MRAP2: variants seen among roughly 807,000 people sequenced by gnomAD.
MRAP2 encodes the protein melanocortin-2 receptor accessory protein 2.
Under a neutral mutation model 17.4 loss-of-function variants are expected in MRAP2, and 20 were observed. The observed-to-expected ratio is 1.15, with a 90% CI of 0.81 to 1.67. The LOEUF (loss-of-function observed/expected upper bound fraction) is 1.67. MRAP2 is among the 40% of genes most tolerant of loss of function. The pLI is 0.00. For synonymous variants in MRAP2, 96 were observed against 88.4 expected (o/e 1.09, Z -0.48); for missense variants, 238 against 240.0 (o/e 0.99, Z 0.05).
At chr6:84,097,333 C>T in the MRAP2 span, among the ~76,000 whole-genome samples, 1 of 152,200 alleles carries the variant, frequency 6.6e-6, no homozygotes, top group African/African-American at 2.4e-5. Flanking sequence ...TGTCAGCTCA[C>T]AAGCTTACGA....
chr6:84,133,670 C>T, the MRAP2 span, among the ~76,000 whole-genome samples: 370 of 152,318 alleles, frequency 2.4e-3, 3 homozygotes, highest in African/African-American at 8.3e-3. Flanking sequence ...GAGCCATGCG[C>T]GGGATATAAT....
At position 84,084,932 on chromosome 6, in the gene MRAP2, C is replaced by CTTTATTTTAT. The variant is rs757644105; in HGVS notation, c.228-4137_228-4128dup. Among the ~76,000 whole-genome samples the CTTTATTTTAT allele has an allele frequency of 1.0e-3, 99 of 99,432 alleles. 1 individual carries two copies. The highest frequency in any genetic ancestry group is 6.5e-3 in the Middle Eastern group (1 of 154). The allele number at this position is 99,432 out of a possible 152,430, so 65.2% of individuals were successfully genotyped here. A position where few individuals can be genotyped will look rare whatever the true frequency, so the allele number is the denominator to read the frequency against. The stretch of plus-strand genomic sequence containing the variant: ...TATTTTATTTATTTATTTTATTTTA[C>CTTTATTTTAT]TTTATTTTATTTTATTTTATTTTAT... On this transcript the variant is annotated intron_variant, in intron 3 of 3. Coordinates refer to ENST00000257776, the MANE Select transcript of MRAP2 (RefSeq NM_138409.4).
the MRAP2 span, among the ~76,000 whole-genome samples, chr6:84,098,109 C>T: frequency 1.3e-5 from 2 of 151,976 alleles, no homozygotes; most frequent in Non-Finnish European, 2.9e-5. Context: ...TTTTATAATC[C>T]CTCCCTCCCA....
chr6:84,080,749 A>G (rs1056195302), intron 3 of MRAP2, among the ~76,000 whole-genome samples: 5 of 152,238 alleles, frequency 3.3e-5, no homozygotes, highest in African/African-American at 9.6e-5. Context: ...CAAAGTTTAC[A>G]AACAAAAGTA....
intron 1 of MRAP2, among the ~76,000 whole-genome samples, chr6:84,054,489 T>C (rs2099491216): frequency 1.3e-5 from 2 of 152,230 alleles, no homozygotes; most frequent in Non-Finnish European, 2.9e-5. Context: ...GGACTTCTGT[T>C]GAGTATCTTC....
the MRAP2 span, among the ~76,000 whole-genome samples, chr6:84,120,587 C>A: frequency 1.3e-5 from 2 of 152,090 alleles, no homozygotes; most frequent in Non-Finnish European, 2.9e-5. Context: ...GAACTGAAGA[C>A]CTGCCATGTA....
the MRAP2 span, among the ~76,000 whole-genome samples, chr6:84,135,045 A>G: frequency 2.0e-5 from 3 of 152,126 alleles, no homozygotes; most frequent in South Asian, 4.1e-4. Context: ...ATGTACACAC[A>G]TGAGAACCAT....
At chr6:84,084,909 TTTTA>T (rs778273352) in intron 3 of MRAP2, among the ~76,000 whole-genome samples, 4,159 of 108,450 alleles carry the variant, frequency 0.038, 128 homozygotes, top group African/African-American at 0.12. Context: ...TTTTATTTTA[TTTTA>T]TTTATTTATT....
intron 3 of MRAP2, among the ~76,000 whole-genome samples, chr6:84,074,332 T>A (rs1294126930): frequency 1.3e-5 from 2 of 152,200 alleles, no homozygotes; most frequent in East Asian, 1.9e-4. Context: ...TTTACATATC[T>A]GGCTCTCTGG....
chr6:84,116,148 A>C, the MRAP2 span, among the ~76,000 whole-genome samples: 1 of 152,156 alleles, frequency 6.6e-6, no homozygotes, highest in East Asian at 1.9e-4. Flanking sequence ...CCTGGCCAGA[A>C]CTTCCAGTAC....
At chr6:84,063,172 T>A (rs1017170353) in intron 3 of MRAP2, 180 bp downstream of exon 3, 3 of 985,336 alleles carry the variant, frequency 3.0e-6, no homozygotes, top group Non-Finnish European at 2.4e-6. Context: ...TTTTTGTTTC[T>A]TGCGTCTTGG....
chr6:84,117,458 T>C, the MRAP2 span, among the ~76,000 whole-genome samples: 1 of 152,164 alleles, frequency 6.6e-6, no homozygotes, highest in Admixed American at 6.5e-5. Flanking sequence ...GTACCATCTC[T>C]TCTTTGTACC....
In MRAP2 at chr6:84,073,890, T is replaced by TG. The variant is rs2099496894; in HGVS notation, c.227+10898_227+10899insG. Among the ~76,000 whole-genome samples, 3 of 141,676 alleles carry TG rather than the reference T, an allele frequency of 2.1e-5. No homozygotes were observed. In the East Asian group the frequency reaches 6.2e-4, roughly 29 times the overall value. The allele number at this position is 141,676 out of a possible 152,430, so 92.9% of individuals were successfully genotyped here. A position where few individuals can be genotyped will look rare whatever the true frequency, so the allele number is the denominator to read the frequency against. ...GATATTTGTGTGTGTGTGTGTGTGT[T>TG]TTTTTTTTTTTTTCTCATCAGCTAT... On this transcript the variant is annotated intron_variant, in intron 3 of 3. Transcript: ENST00000257776.
chr6:84,047,663 T>C (rs1054003413), intron 1 of MRAP2, among the ~76,000 whole-genome samples: 1 of 152,320 alleles, frequency 6.6e-6, no homozygotes, highest in South Asian at 2.1e-4. Flanking sequence ...TATCTCAAAC[T>C]GAAACTCTTT....
At chr6:84,084,406 A>C (rs2099499764) in intron 3 of MRAP2, among the ~76,000 whole-genome samples, 2 of 152,222 alleles carry the variant, frequency 1.3e-5, no homozygotes, top group South Asian at 4.1e-4. Context: ...AACTTTTATG[A>C]ACATTTATGT....
chr6:84,081,388 T>A (rs2099498952), intron 3 of MRAP2, among the ~76,000 whole-genome samples: 1 of 152,208 alleles, frequency 6.6e-6, no homozygotes, highest in Non-Finnish European at 1.5e-5. Context: ...TACCCATATC[T>A]CATCTCAAGT....
the MRAP2 span, among the ~76,000 whole-genome samples, chr6:84,134,589 G>A: frequency 6.6e-6 from 1 of 152,116 alleles, no homozygotes; most frequent in African/African-American, 2.4e-5. Flanking sequence ...GCTTCCCTTG[G>A]CTAGGGGAGG....
rs192563362 is a variant in MRAP2 at position 84,079,327 on chromosome 6, A to G, written c.228-9764A>G. On this transcript the variant is annotated intron_variant, in intron 3 of 3. Transcript: ENST00000257776. ...CCATATATCATATGATTCCATTTATATAAATTTCAAGAACAGGCTAACCTA... is the reference window on the plus strand; with the variant it reads ...CCATATATCATATGATTCCATTTATGTAAATTTCAAGAACAGGCTAACCTA... Among the ~76,000 whole-genome samples, 33 of 152,364 alleles carry G rather than the reference A, an allele frequency of 2.2e-4. No individual in the cohort carries two copies. In the East Asian group the frequency reaches 6.0e-3, roughly 28 times the overall value.
At chr6:84,059,757 G>A (rs1394794539) in intron 2 of MRAP2, among the ~76,000 whole-genome samples, 1 of 152,164 alleles carries the variant, frequency 6.6e-6, no homozygotes, top group African/African-American at 2.4e-5. Flanking sequence ...TGGTAGCTTG[G>A]CGGTGGTGGA....
Sources: allele counts gnomAD v4.1 joint callset (sites outside exome capture counted in the v4.1 genomes callset), GRCh38; gene constraint gnomAD v4.1.1; transcripts MANE v1.5; gene names NCBI Gene and HGNC (gene_info 2026-07-23, HGNC 2026-07-21).